GDPD1: variants seen among roughly 807,000 people sequenced by gnomAD.
The protein encoded by GDPD1 is lysophospholipase D GDPD1.
GDPD1 carries 28 observed loss-of-function variants against 45.1 expected under a neutral mutation model. The observed-to-expected ratio is 0.62, with a 90% CI of 0.46 to 0.85. The LOEUF is 0.85. Among genes scored for constraint, GDPD1 ranks in the 40% least tolerant of loss-of-function variants. The pLI, the probability that GDPD1 is intolerant of heterozygous loss-of-function variation, is 0.00. For missense variants in GDPD1, 256 were observed against 364.8 expected (o/e 0.70, Z 2.43); for synonymous variants, 139 against 131.4 (o/e 1.06, Z -0.40).
rs1203946108 is a variant in GDPD1 at position 59,255,762 on chromosome 17, AAT to A, written c.368-1338_368-1337del. ...CCGTCTCAAAAAAAAAAAAAAAAAA[AAT>A]ATATATATATATATATATATACGCG... On this transcript the variant is annotated intron_variant, in intron 4 of 9. Coordinates refer to ENST00000284116, the MANE Select transcript of GDPD1 (RefSeq NM_182569.4). Among the ~76,000 whole-genome samples, 355 of 44,324 alleles carry A rather than the reference AAT, an allele frequency of 8.0e-3. 7 individuals are homozygous for A. Among genetic ancestry groups the A allele is most frequent in the Middle Eastern group, 0.026 (2 of 76 alleles). The allele number at this position is 44,324 out of a possible 152,430, so 29.1% of individuals were successfully genotyped here.
At chr17:59,248,163 T>A (rs1036139159) in intron 3 of GDPD1, among the ~76,000 whole-genome samples, 2 of 151,940 alleles carry the variant, frequency 1.3e-5, no homozygotes, top group African/African-American at 4.8e-5. Context: ...TTTTGGAGGC[T>A]GAGGCTTGCC....
At chr17:59,226,970 C>CG (rs1344210160) in intron 1 of GDPD1, among the ~76,000 whole-genome samples, 3 of 151,544 alleles carry the variant, frequency 2.0e-5, no homozygotes, top group African/African-American at 7.3e-5. Context: ...CATGAACCAC[C>CG]GCGCCCACCC....
rs188200931 is a variant in GDPD1 at position 59,259,942 on chromosome 17, T to A, written c.576+2102T>A. 4.9e-3 allele frequency among the ~76,000 whole-genome samples: 729 copies of A among 149,954 alleles called. 4 individuals carry two copies. Among genetic ancestry groups the A allele is most frequent in the Non-Finnish European group, 6.2e-3 (420 of 67,478 alleles). ...TAGGCATGGTGGCACATGCCTGTAG[T>A]CTCAGCTACTTGGGAAGCTGAGGTG... On this transcript the variant is annotated intron_variant, in intron 6 of 9. Transcript: ENST00000284116.
chr17:59,274,814 T>G lies in GDPD1; in HGVS notation c.*1041T>G, dbSNP rs893410267. On this transcript the variant is annotated 3_prime_UTR_variant, in exon 10 of 10. Coordinates refer to ENST00000284116, the MANE Select transcript of GDPD1 (RefSeq NM_182569.4). ...AAAAGAAAAAAAATTGGCAATAGTCTTCACTGGAATACAATCAATTAGTAA... is the reference window on the plus strand; with the variant it reads ...AAAAGAAAAAAAATTGGCAATAGTCGTCACTGGAATACAATCAATTAGTAA... 1.3e-5 allele frequency among the ~76,000 whole-genome samples: 2 copies of G among 151,510 alleles called. No homozygotes were observed. Among genetic ancestry groups the G allele is most frequent in the African/African-American group, 4.8e-5 (2 of 41,288 alleles).
chr17:59,272,875 C>T (rs531664396), intron 9 of GDPD1, 39 bp downstream of exon 9: 3 of 1,613,272 alleles, frequency 1.9e-6, no homozygotes, highest in East Asian at 4.5e-5. Flanking sequence ...AGCAGCATAG[C>T]TCACCAGTTT....
chr17:59,223,869 C>G (rs1017345083), intron 1 of GDPD1, among the ~76,000 whole-genome samples: 7 of 152,142 alleles, frequency 4.6e-5, no homozygotes, highest in African/African-American at 1.7e-4. Context: ...CGAGATGGTG[C>G]CACTGCACTC....
chr17:59,272,066 A>T (rs1257509051), intron 8 of GDPD1, among the ~76,000 whole-genome samples: 1 of 151,988 alleles, frequency 6.6e-6, no homozygotes, highest in African/African-American at 2.4e-5. Context: ...CTCAAGTAAA[A>T]CCAGGATGCA....
chr17:59,243,370 G>A (rs892057823), intron 2 of GDPD1, among the ~76,000 whole-genome samples: 1 of 152,150 alleles, frequency 6.6e-6, no homozygotes, highest in African/African-American at 2.4e-5. Flanking sequence ...GGTGGGCATG[G>A]TGGGGCACCT....
chr17:59,263,482 C>CTTTTTTTTTT (rs1568349871), intron 6 of GDPD1, among the ~76,000 whole-genome samples: 1 of 7,074 alleles, frequency 1.4e-4, no homozygotes. Context: ...TTTTTCCTTT[C>CTTTTTTTTTT]CTTTTTTTTT....
intron 2 of GDPD1, among the ~76,000 whole-genome samples, chr17:59,238,176 G>T (rs1478513057): frequency 6.8e-6 from 1 of 146,922 alleles, no homozygotes; most frequent in African/African-American, 2.5e-5. Context: ...GCTGAGGCAG[G>T]AGAATCACTT....
chr17:59,252,942 C>T (rs763766723), intron 4 of GDPD1, among the ~76,000 whole-genome samples: 9 of 133,210 alleles, frequency 6.8e-5, no homozygotes, highest in Admixed American at 1.5e-4. Context: ...TGCAGTGAGC[C>T]GAGATCATGC....
At chr17:59,226,721 G>T (rs1408756831) in intron 1 of GDPD1, among the ~76,000 whole-genome samples, 2 of 152,000 alleles carry the variant, frequency 1.3e-5, no homozygotes, top group African/African-American at 4.8e-5. Context: ...TGTTGCCCAG[G>T]CTGGAATGCA....
Position 59,272,708 on chromosome 17 carries a change from G to A in GDPD1, c.771-77G>A. The A allele has an allele frequency of 4.8e-6, 4 of 824,944 alleles. No homozygotes were observed. In the South Asian group the frequency reaches 5.6e-5, roughly 12 times the overall value. 51.1% of individuals were successfully genotyped at this position (824,944 alleles called of 1,614,324 possible). A position where few individuals can be genotyped will look rare whatever the true frequency, so the allele number is the denominator to read the frequency against. ...GAAGCATTGGGATTAAATTAAACTG[G>A]AATTACTAAACTCTAAATTGACTAA... On this transcript the variant is annotated intron_variant, in intron 8 of 9. Transcript: ENST00000284116.
At chr17:59,225,090 CTTTTTT>C (rs796851725) in intron 1 of GDPD1, among the ~76,000 whole-genome samples, 3 of 113,664 alleles carry the variant, frequency 2.6e-5, no homozygotes, top group South Asian at 2.9e-4. Context: ...TCTTTCTTTT[CTTTTTT>C]TTTTTTTTTT....
rs181015329 is a variant in GDPD1 at position 59,251,476 on chromosome 17, G to C, written c.367+2691G>C. Among the ~76,000 whole-genome samples the C allele has an allele frequency of 2.3e-4, 34 of 150,508 alleles. 1 individual carries two copies. In the East Asian group the frequency reaches 6.5e-3, roughly 29 times the overall value. ...AGAGGTTGCAGTGAGCTGAGATCAC[G>C]CCATTGTACTCCAGCCTGGACAACA... On this transcript the variant is annotated intron_variant, in intron 4 of 9. Transcript: ENST00000284116.
chr17:59,247,716 GC>G (rs994804500), intron 3 of GDPD1, among the ~76,000 whole-genome samples: 2 of 151,816 alleles, frequency 1.3e-5, no homozygotes, highest in African/African-American at 4.8e-5. Context: ...TGCAACCTCC[GC>G]CTCCCGGGTT....
At chr17:59,223,347 T>C (rs1341450546) in intron 1 of GDPD1, among the ~76,000 whole-genome samples, 1 of 152,222 alleles carries the variant, frequency 6.6e-6, no homozygotes, top group Non-Finnish European at 1.5e-5. Flanking sequence ...AACACTGTGG[T>C]AAGTTCCCAT....
intron 1 of GDPD1, among the ~76,000 whole-genome samples, chr17:59,223,410 A>G (rs1166584844): frequency 6.6e-6 from 1 of 152,218 alleles, no homozygotes; most frequent in Non-Finnish European, 1.5e-5. Context: ...CTCCAGTTGA[A>G]TCCAGAGTGA....
In GDPD1 at chr17:59,274,295, C is replaced by T. The variant is rs2047464404; in HGVS notation, c.*522C>T. The T allele has an allele frequency of 3.8e-6, 1 of 263,116 alleles. No homozygotes were observed. Among genetic ancestry groups the T allele is most frequent in the Admixed American group, 6.5e-5 (1 of 15,322 alleles). 16.3% of individuals were successfully genotyped at this position (263,116 alleles called of 1,614,324 possible). On this transcript the variant is annotated 3_prime_UTR_variant, in exon 10 of 10. Transcript: ENST00000284116. Reference sequence around the variant, plus strand: ...TGGGAGGCTGAGACAGGCGGATCATCTGAAGTCAGGAGTTAAAGACCAGCC... The same window carrying T: ...TGGGAGGCTGAGACAGGCGGATCATTTGAAGTCAGGAGTTAAAGACCAGCC...
Sources: gnomAD v4.1 joint callset for allele counts (sites outside exome capture counted in the v4.1 genomes callset) on GRCh38, gnomAD v4.1.1 for gene constraint, MANE v1.5 for transcripts, NCBI Gene and HGNC (gene_info 2026-07-23, HGNC 2026-07-21) for gene names.